RBM27: variants seen among roughly 807,000 people sequenced by gnomAD.
The protein encoded by RBM27 is RNA-binding protein 27.
Under a neutral mutation model 135.3 loss-of-function variants are expected in RBM27, and 22 were observed. That is an observed-to-expected ratio of 0.16 (90% CI 0.12 to 0.23). The LOEUF is 0.23. Ranked by LOEUF, RBM27 falls within the 10% of genes least tolerant of loss-of-function variation. The pLI, the probability that RBM27 is intolerant of heterozygous loss-of-function variation, is 1.00. For synonymous variants in RBM27, 481 were observed against 442.4 expected (o/e 1.09, Z -1.10); for missense variants, 1,009 against 1,281.0 (o/e 0.79, Z 3.24).
At chr5:146,215,416 A>G (rs1352018275) in intron 1 of RBM27, among the ~76,000 whole-genome samples, 2 of 152,196 alleles carry the variant, frequency 1.3e-5, no homozygotes, top group Non-Finnish European at 2.9e-5. Flanking sequence ...TTCCTAACAT[A>G]TAGAAACTTT....
chr5:146,203,835 C>T lies in RBM27; in HGVS notation c.59+11C>T, dbSNP rs200203682. The T allele has an allele frequency of 2.4e-6, 3 of 1,250,354 alleles. No homozygotes were observed. Among genetic ancestry groups the T allele is most frequent in the African/African-American group, 1.7e-5 (1 of 57,236 alleles). The allele number at this position is 1,250,354 out of a possible 1,614,324, so 77.5% of individuals were successfully genotyped here. On this transcript the variant is annotated intron_variant, in intron 1 of 20. Transcript: ENST00000265271. The stretch of plus-strand genomic sequence containing the variant: ...GTTACTGGAGCCGATGTGAGTGAGC[C>T]GGGCTGGGCCGGGGCCGGCGAACGT...
rs555816993 is a variant in RBM27 at position 146,264,127 on chromosome 5, A to G, written c.2331+496A>G. On this transcript the variant is annotated intron_variant, in intron 14 of 20. Transcript: ENST00000265271. Reference sequence around the variant, plus strand: ...TGTCAAAAAAAAAAAAACACAAAAAACAAAAACCAAGTTAAGTAGGAATTT... The same window carrying G: ...TGTCAAAAAAAAAAAAACACAAAAAGCAAAAACCAAGTTAAGTAGGAATTT... 2.2e-3 allele frequency among the ~76,000 whole-genome samples: 327 copies of G among 152,014 alleles called. 1 individual carries two copies. Among genetic ancestry groups the G allele is most frequent in the Non-Finnish European group, 3.6e-3 (247 of 67,948 alleles).
chr5:146,244,216 T>C (rs1384724370), intron 8 of RBM27, among the ~76,000 whole-genome samples: 1 of 152,158 alleles, frequency 6.6e-6, no homozygotes. Flanking sequence ...TAATATTGGC[T>C]GAATGCAGTG....
intron 19 of RBM27, among the ~76,000 whole-genome samples, chr5:146,277,517 A>ATTTTT (rs371321141): frequency 8.8e-5 from 11 of 125,536 alleles, no homozygotes; most frequent in East Asian, 2.2e-4. Context: ...TACTGGGATA[A>ATTTTT]TTTTTTTTTT....
chr5:146,242,617 G>A (rs944148803), intron 8 of RBM27, among the ~76,000 whole-genome samples: 8 of 151,860 alleles, frequency 5.3e-5, no homozygotes, highest in African/African-American at 1.9e-4. Flanking sequence ...TTTTTTAGAC[G>A]GAGTCTTACT....
chr5:146,209,468 A>G (rs1755846897), intron 1 of RBM27, among the ~76,000 whole-genome samples: 1 of 152,208 alleles, frequency 6.6e-6, no homozygotes, highest in Non-Finnish European at 1.5e-5. Context: ...TAGAAAAGGC[A>G]GCAATAAGGT....
chr5:146,249,683 C>CAAAAAAAAAAAAAAAAAAGAAAAAATA, intron 8 of RBM27, among the ~76,000 whole-genome samples: 1 of 37,206 alleles, frequency 2.7e-5, no homozygotes, highest in South Asian at 8.4e-4. Flanking sequence ...GTGAGACTCT[C>CAAAAAAAAAAAAAAAAAAGAAAAAATA]AAAAAAAAAA....
intron 9 of RBM27, among the ~76,000 whole-genome samples, chr5:146,253,965 CTTTT>C (rs1396531788): frequency 6.6e-6 from 1 of 152,062 alleles, no homozygotes; most frequent in Non-Finnish European, 1.5e-5. Flanking sequence ...CGCGTGTGTG[CTTTT>C]TTATTTGAAA....
chr5:146,247,489 G>A (rs1757680470), intron 8 of RBM27, among the ~76,000 whole-genome samples: 2 of 152,056 alleles, frequency 1.3e-5, no homozygotes, highest in Admixed American at 1.3e-4. Flanking sequence ...ACGTTTAGTT[G>A]ATATCTTTCT....
At chr5:146,224,647 A>C (rs1433931406) in intron 3 of RBM27, among the ~76,000 whole-genome samples, 1 of 151,784 alleles carries the variant, frequency 6.6e-6, no homozygotes, top group East Asian at 1.9e-4. Flanking sequence ...ATACTGTTGC[A>C]CTCCAGCCTG....
Position 146,204,554 on chromosome 5 carries a change from T to A in RBM27, c.59+730T>A, listed in dbSNP as rs59351060. 7.7e-4 allele frequency among the ~76,000 whole-genome samples: 117 copies of A among 152,110 alleles called. 2 individuals carry two copies. The East Asian group carries it at 0.019, about 24-fold the overall frequency. ...ATACATAGAGGTTGGAAAAAAGAGGTTTCTGTAAGTTTAGTTGAAGGTTGA... is the reference window on the plus strand; with the variant it reads ...ATACATAGAGGTTGGAAAAAAGAGGATTCTGTAAGTTTAGTTGAAGGTTGA... On this transcript the variant is annotated intron_variant, in intron 1 of 20. Coordinates refer to ENST00000265271, the MANE Select transcript of RBM27 (RefSeq NM_018989.2).
Position 146,261,602 on chromosome 5 carries a change from A to G in RBM27, c.1986A>G (p.Leu662=). 1.2e-6 allele frequency: 2 copies of G among 1,614,234 alleles called. No individual in the cohort carries two copies. The highest frequency in any genetic ancestry group is 8.5e-7 in the Non-Finnish European group (1 of 1,180,026). The part of the protein sequence containing the change: ...RKAISSTEAV[L]NNRFIRVLWH... ...CCATTTCTAGCACAGAAGCAGTTCT[A>G]AACAACCGATTCATTCGAGTCTTGT... The change falls in exon 13 of 21, where the codon CTA becomes CTG. Residue 662 remains leucine (L), a synonymous_variant. Transcript: ENST00000265271.
At chr5:146,214,737 G>T (rs139327241) in intron 1 of RBM27, among the ~76,000 whole-genome samples, 235 of 152,236 alleles carry the variant, frequency 1.5e-3, no homozygotes, top group African/African-American at 5.3e-3. Flanking sequence ...TCTTCAGAGC[G>T]TACTTTATGG....
At chr5:146,260,041 T>TGC (rs1758319921) in intron 11 of RBM27, among the ~76,000 whole-genome samples, 1 of 144,784 alleles carries the variant, frequency 6.9e-6, no homozygotes, top group Non-Finnish European at 1.5e-5. Flanking sequence ...GGCTCACACC[T>TGC]GTAATGCCAG....
At chr5:146,256,292 T>A (rs1044744292) in intron 10 of RBM27, among the ~76,000 whole-genome samples, 44 of 147,026 alleles carry the variant, frequency 3.0e-4, no homozygotes, top group South Asian at 6.3e-4. Context: ...TATATATATT[T>A]TATATATATA....
At chr5:146,252,630 A>G (rs563592323) in intron 9 of RBM27, among the ~76,000 whole-genome samples, 1 of 152,362 alleles carries the variant, frequency 6.6e-6, no homozygotes, top group East Asian at 1.9e-4. Context: ...AAAAAGATAA[A>G]GCAGTATGCA....
At chr5:146,269,349 A>G in intron 16 of RBM27, 68 bp downstream of exon 16, 1 of 1,486,450 alleles carries the variant, frequency 6.7e-7, no homozygotes, top group Non-Finnish European at 9.1e-7. Flanking sequence ...AGTATTATTC[A>G]TAATTTTTAA....
At position 146,218,048 on chromosome 5, in the gene RBM27, G is replaced by A. The variant is rs557846761; in HGVS notation, c.60-937G>A. 3.9e-5 allele frequency among the ~76,000 whole-genome samples: 6 copies of A among 152,274 alleles called. No homozygotes were observed. The South Asian group carries it at 1.2e-3, about 32-fold the overall frequency. ...GTTGGGATTACAGGCATGAGCCATT[G>A]CACCCAGCCTGAATGTTTTCATTTT... On this transcript the variant is annotated intron_variant, in intron 1 of 20. Transcript: ENST00000265271.
chr5:146,233,737 A>G lies in RBM27; in HGVS notation c.1138A>G (p.Ile380Val). The change falls in exon 7 of 21, where the codon ATA becomes GTA. Residue 380 changes from isoleucine to valine, a missense_variant. Ile to Val is a conservative substitution (Grantham distance 29). This residue lies in a region of RBM27 where 329 missense variants were observed against 368.1 expected (regional missense o/e 0.89). Coordinates refer to ENST00000265271, the MANE Select transcript of RBM27 (RefSeq NM_018989.2). ...GQPPPSVVLP[I>V]PRPPITQSSL... Reference sequence around the variant, plus strand: ...GCCTCCACCATCCGTTGTGCTTCCCATACCAAGTAAGTATATATTTGTTGA... The same window carrying G: ...GCCTCCACCATCCGTTGTGCTTCCCGTACCAAGTAAGTATATATTTGTTGA... 4 of 1,418,506 alleles carry G rather than the reference A, an allele frequency of 2.8e-6. No homozygotes were observed. The highest frequency in any genetic ancestry group is 3.7e-6 in the Non-Finnish European group (4 of 1,082,756). The allele number at this position is 1,418,506 out of a possible 1,614,324, so 87.9% of individuals were successfully genotyped here.
Sources: gnomAD v4.1 joint callset for allele counts (sites outside exome capture counted in the v4.1 genomes callset) on GRCh38, gnomAD v4.1.1 for gene constraint, gnomAD v4.1.1 regional missense constraint, MANE v1.5 for transcripts, NCBI Gene and HGNC (gene_info 2026-07-23, HGNC 2026-07-21) for gene names.